FAM135A: variants seen among roughly 807,000 people sequenced by gnomAD.
The protein encoded by FAM135A is protein FAM135A.
FAM135A carries 79 observed loss-of-function variants against 146.8 expected under a neutral mutation model. The ratio of observed to expected loss-of-function variants is 0.54; its 90% confidence interval spans 0.45 to 0.65. The LOEUF is 0.65. Among genes scored for constraint, FAM135A ranks in the 30% least tolerant of loss-of-function variants. The pLI is 0.00. For missense variants in FAM135A, 1,623 were observed against 1,758.2 expected, an observed-to-expected ratio of 0.92 and a Z score of 1.38; for synonymous variants, 562 against 603.6, an observed-to-expected ratio of 0.93 and a Z score of 1.01.
chr6:70,495,651 AT>A (rs1272630763), intron 11 of FAM135A, among the ~76,000 whole-genome samples: 12 of 152,148 alleles, frequency 7.9e-5, no homozygotes, highest in African/African-American at 2.2e-4. Flanking sequence ...TTTTATTTTT[AT>A]TATACTTCAA....
At chr6:70,418,396 C>T (rs1432067813) in intron 2 of FAM135A, 1 of 152,282 alleles carries the variant, frequency 6.6e-6, no homozygotes, top group African/African-American at 2.4e-5. Flanking sequence ...GTGGTGTGAT[C>T]TCAGCTCACT....
chr6:70,521,571 G>A (rs991513160), intron 12 of FAM135A, among the ~76,000 whole-genome samples: 1 of 152,118 alleles, frequency 6.6e-6, no homozygotes, highest in Non-Finnish European at 1.5e-5. Context: ...TCACCTGGCC[G>A]GATATTGATG....
intron 2 of FAM135A, among the ~76,000 whole-genome samples, chr6:70,421,658 G>T (rs1768885982): frequency 6.6e-6 from 1 of 152,162 alleles, no homozygotes; most frequent in Non-Finnish European, 1.5e-5. Flanking sequence ...ATTGGTGTTT[G>T]TAGTTTACTT....
intron 4 of FAM135A, among the ~76,000 whole-genome samples, chr6:70,445,680 C>T (rs532110994): frequency 3.3e-5 from 5 of 152,206 alleles, no homozygotes; most frequent in Non-Finnish European, 5.9e-5. Flanking sequence ...GGTTTAAGAA[C>T]GCTTTTAAGC....
At chr6:70,482,788 T>G (rs1367856646) in intron 10 of FAM135A, among the ~76,000 whole-genome samples, 1 of 152,148 alleles carries the variant, frequency 6.6e-6, no homozygotes, top group African/African-American at 2.4e-5. Flanking sequence ...ACATACATTA[T>G]TTCACAGAAG....
chr6:70,460,848 C>CTTT (rs780821553), intron 5 of FAM135A, among the ~76,000 whole-genome samples: 1 of 134,782 alleles, frequency 7.4e-6, no homozygotes. Context: ...AGATAGCTAT[C>CTTT]TTTTTTTTTT....
At chr6:70,427,644 A>G (rs944621259) in intron 3 of FAM135A, among the ~76,000 whole-genome samples, 1 of 149,116 alleles carries the variant, frequency 6.7e-6, no homozygotes, top group African/African-American at 2.4e-5. Context: ...GTTTGATCCC[A>G]CTATTAAAAA....
chr6:70,500,361 ATTC>A (rs1309892599), intron 11 of FAM135A, among the ~76,000 whole-genome samples: 1 of 151,976 alleles, frequency 6.6e-6, no homozygotes, highest in Non-Finnish European at 1.5e-5. Context: ...TAAACTGGTT[ATTC>A]TTGTTAGCAG....
intron 5 of FAM135A, among the ~76,000 whole-genome samples, chr6:70,467,899 T>C (rs988058404): frequency 1.3e-5 from 2 of 152,224 alleles, no homozygotes; most frequent in African/African-American, 4.8e-5. Context: ...TTTTTTTCTC[T>C]TTGTTTTAGT....
intron 4 of FAM135A, among the ~76,000 whole-genome samples, chr6:70,439,359 C>A (rs1252126921): frequency 6.6e-6 from 1 of 152,032 alleles, no homozygotes; most frequent in African/African-American, 2.4e-5. Flanking sequence ...TATGAAAAGA[C>A]CCTGTTTATA....
In FAM135A at chr6:70,428,414, G is replaced by A. The variant is rs1195374803; in HGVS notation, c.72G>A (p.Gln24=). The A allele has an allele frequency of 1.9e-6, 3 of 1,598,964 alleles. No homozygotes were observed. The highest frequency in any genetic ancestry group is 4.5e-5 in the East Asian group (2 of 44,274). Residue 24 remains glutamine, a synonymous_variant, in exon 4 of 22, where the codon CAG becomes CAA. Transcript: ENST00000418814. ...LNKFYNVDLF[Q]RGFYQIRASM... ...AGTTCTACAATGTGGATTTGTTTCAGAGAGGGTATGTATTTTATTGTGAAA... is the reference window on the plus strand; with the variant it reads ...AGTTCTACAATGTGGATTTGTTTCAAAGAGGGTATGTATTTTATTGTGAAA...
intron 21 of FAM135A, 108 bp from the exon 22 acceptor site, chr6:70,559,608 A>G: frequency 6.9e-6 from 6 of 874,832 alleles, no homozygotes; most frequent in African/African-American, 1.7e-5. Context: ...TCTGCTTTAT[A>G]TGGAAATAAT....
chr6:70,452,418 A>G (rs1376611983), intron 4 of FAM135A, 74 bp from the exon 5 acceptor site: 8 of 1,051,332 alleles, frequency 7.6e-6, no homozygotes, highest in East Asian at 2.6e-5. Flanking sequence ...TAATATGGAT[A>G]CAAATGTGGA....
chr6:70,475,603 T>A, intron 6 of FAM135A, 54 bp downstream of exon 6: 2 of 1,583,678 alleles, frequency 1.3e-6, no homozygotes, highest in Non-Finnish European at 1.7e-6. Context: ...TGCCTCAAGA[T>A]GTTATTTCTA....
At chr6:70,495,811 T>G (rs1194197183) in intron 11 of FAM135A, among the ~76,000 whole-genome samples, 2 of 152,040 alleles carry the variant, frequency 1.3e-5, no homozygotes, top group Non-Finnish European at 2.9e-5. Context: ...TGACAGGCCC[T>G]GGTGTGTGAT....
intron 4 of FAM135A, among the ~76,000 whole-genome samples, chr6:70,432,962 G>A (rs1426634402): frequency 6.6e-6 from 1 of 151,360 alleles, no homozygotes; most frequent in Non-Finnish European, 1.5e-5. Flanking sequence ...AAAGCATCTA[G>A]TTTAAAAACT....
At chr6:70,456,891 T>C (rs890697975) in intron 5 of FAM135A, among the ~76,000 whole-genome samples, 54 of 152,346 alleles carry the variant, frequency 3.5e-4, no homozygotes, top group African/African-American at 1.3e-3. Flanking sequence ...TTGCTGCTAC[T>C]TGTATTACAG....
In FAM135A at chr6:70,559,846, A is replaced by G; in HGVS notation, c.4473A>G (p.Ala1491=). Residue 1491 remains alanine, a synonymous_variant, in exon 22 of 22, where the codon GCA becomes GCG. Transcript: ENST00000418814. The part of the protein sequence containing the change: ...NTADSLIGRA[A]HIAVLDSEIF... ...CTGATTCACTCATTGGGAGAGCTGC[A>G]CATATAGCTGTTCTTGATTCGGAAA... The G allele has an allele frequency of 6.2e-7, 1 of 1,614,168 alleles. No individual in the cohort carries two copies. The highest frequency in any genetic ancestry group is 8.5e-7 in the Non-Finnish European group (1 of 1,180,026).
rs763568587 is a variant in FAM135A at position 70,482,043 on chromosome 6, T to C, written c.712T>C (p.Tyr238His). Residue 238 changes from tyrosine (Y) to histidine (H), a missense_variant, in exon 10 of 22, where the codon TAT (tyrosine) becomes CAT (histidine). Tyr to His is a moderately conservative substitution (Grantham distance 83). Around this residue, in one of 7 missense-constraint regions of FAM135A, gnomAD observed 206 missense variants for 194.7 expected, o/e 1.06. Transcript: ENST00000418814. ...IIADSFLHHA[Y>H]RFHYTLCATL... is the part of the protein sequence containing the mutation. ...TGCAGACTCCTTCCTACATCATGCGTATCGTTTTCATTATACACTTTGTGC... is the reference window on the plus strand; with the variant it reads ...TGCAGACTCCTTCCTACATCATGCGCATCGTTTTCATTATACACTTTGTGC... 5.6e-6 allele frequency: 9 copies of C among 1,613,750 alleles called. No homozygotes were observed. The highest frequency in any genetic ancestry group is 7.6e-6 in the Non-Finnish European group (9 of 1,179,826).
Sources: allele counts gnomAD v4.1 joint callset (sites outside exome capture counted in the v4.1 genomes callset), GRCh38; gene constraint gnomAD v4.1.1; regional missense constraint gnomAD v4.1.1; transcripts MANE v1.5; gene names NCBI Gene and HGNC (gene_info 2026-07-23, HGNC 2026-07-21).